Variants in COG4 observed in about 807,000 individuals in gnomAD.
COG4 encodes component of oligomeric golgi complex 4, also known as conserved oligomeric Golgi complex subunit 4.
A neutral mutation model predicts 95.1 loss-of-function variants in COG4; 65 were observed. The observed-to-expected ratio is 0.68, with a 90% confidence interval of 0.56 to 0.84. The LOEUF (loss-of-function observed/expected upper bound fraction) is 0.84. Among genes scored for constraint, COG4 ranks in the 40% least tolerant of loss-of-function variants. The pLI, the probability that COG4 is intolerant of heterozygous loss-of-function variation, is 0.00. For missense variants in COG4, 1,045 were observed against 989.1 expected (o/e 1.06, Z -0.76); for synonymous variants, 421 against 374.8 (o/e 1.12, Z -1.42).
intron 6 of COG4, 147 bp downstream of exon 6, chr16:70,509,769 G>A: frequency 1.4e-6 from 1 of 709,778 alleles, no homozygotes; most frequent in Non-Finnish European, 2.5e-6. Context: ...CACTGAATCT[G>A]GAAGTTATTT....
At position 70,482,161 on chromosome 16, in the gene COG4, G is replaced by A; in HGVS notation, c.1935C>T (p.Asp645=). The A allele has an allele frequency of 1.2e-6, 2 of 1,613,044 alleles. No individual in the cohort carries two copies. The highest frequency in any genetic ancestry group is 1.7e-6 in the Non-Finnish European group (2 of 1,179,022). Residue 645 remains aspartate, a synonymous_variant, in exon 16 of 19, where the codon GAC becomes GAT. Transcript: ENST00000323786. ...GTACCCAAGGGTCGTTGGCCTCATA[G>A]TCATTGAATTCTTCCTGTTGTCAGG... ...SHNIEEEEFN[D]YEANDPWVQQ... is the part of the protein sequence containing the mutation.
chr16:70,514,670 A>C (rs1270883855), intron 3 of COG4, among the ~76,000 whole-genome samples, 161 bp from the exon 4 acceptor site: 2 of 152,198 alleles, frequency 1.3e-5, no homozygotes, highest in Non-Finnish European at 2.9e-5. Flanking sequence ...GATGATGATC[A>C]AGACCATTGA....
chr16:70,513,836 A>ACCC lies in COG4; in HGVS notation c.544+498_544+499insGGG, dbSNP rs576114085. Reference sequence around the variant, plus strand: ...GGTAACTGAAATGGCAGAAAGTGAAACCACACATAGGGGAGACTGCTTTAA... The same window carrying ACCC: ...GGTAACTGAAATGGCAGAAAGTGAAACCCCCACACATAGGGGAGACTGCTTTAA... On this transcript the variant is annotated intron_variant, in intron 4 of 18. Coordinates refer to ENST00000323786, the MANE Select transcript of COG4 (RefSeq NM_015386.3). 3.9e-3 allele frequency among the ~76,000 whole-genome samples: 591 copies of ACCC among 152,324 alleles called. 3 individuals are homozygous for ACCC. The highest frequency in any genetic ancestry group is 0.014 in the African/African-American group (576 of 41,568).
chr16:70,503,655 C>T (rs1382424134), intron 8 of COG4, among the ~76,000 whole-genome samples: 3 of 119,694 alleles, frequency 2.5e-5, no homozygotes, highest in Non-Finnish European at 4.5e-5. Flanking sequence ...AGTGCAGTGG[C>T]GCTATCCCGG....
chr16:70,488,630 C>T (rs189150807), intron 13 of COG4, among the ~76,000 whole-genome samples: 73 of 152,266 alleles, frequency 4.8e-4, no homozygotes, highest in African/African-American at 1.7e-3. Context: ...TCACTGCAAC[C>T]TCCACCTCCG....
At chr16:70,513,380 G>T (rs180882664) in intron 4 of COG4, among the ~76,000 whole-genome samples, 30 of 152,268 alleles carry the variant, frequency 2.0e-4, no homozygotes, top group African/African-American at 6.0e-4. Flanking sequence ...AGTAGATCTG[G>T]ATTCAGTTTC....
intron 8 of COG4, among the ~76,000 whole-genome samples, chr16:70,503,670 C>G (rs1431991862): frequency 8.2e-6 from 1 of 122,502 alleles, no homozygotes; most frequent in East Asian, 1.9e-4. Flanking sequence ...TCCCGGCTCA[C>G]TGCAAGCTCC....
chr16:70,502,280 C>CAA (rs59805765), intron 8 of COG4, among the ~76,000 whole-genome samples: 1,211 of 19,082 alleles, frequency 0.063, 248 homozygotes, highest in Non-Finnish European at 0.089. Context: ...GACTCCGTCT[C>CAA]AAAAAAAAAA....
At chr16:70,490,989 T>A (rs1357787141) in intron 12 of COG4, among the ~76,000 whole-genome samples, 3 of 152,038 alleles carry the variant, frequency 2.0e-5, no homozygotes, top group Admixed American at 1.3e-4. Context: ...CTGTGTTACC[T>A]ACAGAGCAGA....
chr16:70,493,632 A>C (rs2049287982), intron 12 of COG4, among the ~76,000 whole-genome samples: 1 of 152,216 alleles, frequency 6.6e-6, no homozygotes, highest in African/African-American at 2.4e-5. Flanking sequence ...TAGCAGAGTC[A>C]GTTCACAGAC....
chr16:70,491,269 C>T (rs1360123541), intron 12 of COG4, among the ~76,000 whole-genome samples: 1 of 152,006 alleles, frequency 6.6e-6, no homozygotes, highest in Non-Finnish European at 1.5e-5. Context: ...AATCCCAGCA[C>T]TTTGGAAGGC....
chr16:70,488,278 C>G (rs547511492), intron 13 of COG4, among the ~76,000 whole-genome samples: 1 of 151,810 alleles, frequency 6.6e-6, no homozygotes, highest in African/African-American at 2.4e-5. Flanking sequence ...GTATTACAGG[C>G]GCCCGCCACC....
chr16:70,509,106 G>A (rs940893494), intron 7 of COG4, 125 bp downstream of exon 7: 59 of 1,205,536 alleles, frequency 4.9e-5, no homozygotes, highest in South Asian at 9.9e-5. Context: ...GCCAGTGTGC[G>A]CTTAGCATTT....
At chr16:70,512,185 A>T in intron 5 of COG4, 54 bp downstream of exon 5, 1 of 1,541,940 alleles carries the variant, frequency 6.5e-7, no homozygotes, top group Middle Eastern at 1.9e-4. Flanking sequence ...CCAGTGCCCC[A>T]ATCTGCAGGC....
At chr16:70,523,186 TC>T in intron 1 of COG4, 186 bp downstream of exon 1, 1 of 655,714 alleles carries the variant, frequency 1.5e-6, no homozygotes, top group South Asian at 1.8e-5. Flanking sequence ...GAAGACAAGC[TC>T]GGCGCGTCCG....
chr16:70,494,849 C>T (rs980108655), intron 12 of COG4, among the ~76,000 whole-genome samples: 6 of 152,296 alleles, frequency 3.9e-5, no homozygotes, highest in African/African-American at 1.2e-4. Flanking sequence ...TCACAGGCAA[C>T]AGTTTTTTGG....
At chr16:70,482,899 C>CCCTCTATCCTCTCCCCATCCCTTT in intron 14 of COG4, 78 bp from the exon 15 acceptor site, 2 of 1,068,806 alleles carry the variant, frequency 1.9e-6, no homozygotes, top group South Asian at 1.3e-5. Context: ...CCCATCCCTT[C>CCCTCTATCCTCTCCCCATCCCTTT]CCTCTATCCT....
At chr16:70,483,336 C>T (rs1329026951) in intron 14 of COG4, among the ~76,000 whole-genome samples, 4 of 144,968 alleles carry the variant, frequency 2.8e-5, no homozygotes, top group Non-Finnish European at 4.5e-5. Flanking sequence ...CTCTCCCCAT[C>T]CCTTGACTGC....
Position 70,514,335 on chromosome 16 carries a change from C to T in COG4, c.544G>A (p.Gly182Arg), listed in dbSNP as rs1356310565. The change falls in exon 4 of 19, where the codon GGG becomes AGG. Residue 182 changes from glycine (G) to arginine (R), a missense_variant and splice_region_variant. Physicochemically the swap from Gly to Arg is moderately radical, Grantham distance 125 (BLOSUM62 -2). Transcript: ENST00000323786. ...AAAACCAACAGTTTCGGATGCTGAC[C>T]CTCTTTGCCCTGTCGGCTGAGCTCA... ...VIELSRQGKE[G>R]SMIDANLKLL... is the part of the protein sequence containing the mutation. The T allele has an allele frequency of 1.2e-6, 2 of 1,614,028 alleles. No homozygotes were observed. The highest frequency in any genetic ancestry group is 1.7e-6 in the Non-Finnish European group (2 of 1,179,984).
Sources: gnomAD v4.1 joint callset for allele counts (sites outside exome capture counted in the v4.1 genomes callset) on GRCh38, gnomAD v4.1.1 for gene constraint, MANE v1.5 for transcripts, NCBI Gene and HGNC (gene_info 2026-07-23, HGNC 2026-07-21) for gene names.